ARHGAP24: variants seen among roughly 807,000 people sequenced by gnomAD.
ARHGAP24 encodes Rho GTPase activating protein 24.
Under a neutral mutation model 76.4 loss-of-function variants are expected in ARHGAP24, and 50 were observed. The ratio of observed to expected loss-of-function variants is 0.65; its 90% CI spans 0.52 to 0.83. ARHGAP24 has a LOEUF of 0.83. Among genes scored for constraint, ARHGAP24 ranks in the 40% least tolerant of loss-of-function variants. The pLI, the probability that ARHGAP24 is intolerant of heterozygous loss-of-function variation, is 0.00. For synonymous variants in ARHGAP24, 345 were observed against 323.3 expected, an observed-to-expected ratio of 1.07 and a Z score of -0.72; for missense variants, 930 against 914.2, an observed-to-expected ratio of 1.02 and a Z score of -0.22.
chr4:85,713,966 C>T (rs1266682497), intron 2 of ARHGAP24, among the ~76,000 whole-genome samples: 2 of 152,092 alleles, frequency 1.3e-5, no homozygotes, highest in Non-Finnish European at 2.9e-5. Context: ...ATTTCTAGGT[C>T]TCTTACAATT....
chr4:85,503,510 G>A (rs190270981), intron 1 of ARHGAP24, among the ~76,000 whole-genome samples: 15 of 152,246 alleles, frequency 9.9e-5, no homozygotes, highest in South Asian at 2.1e-4. Flanking sequence ...GCATAGAGGC[G>A]TTTATAGTAT....
At chr4:85,906,056 T>A (rs536711473) in intron 3 of ARHGAP24, among the ~76,000 whole-genome samples, 12 of 152,072 alleles carry the variant, frequency 7.9e-5, no homozygotes, top group Admixed American at 6.5e-4. Flanking sequence ...AGTGAAGGAG[T>A]AGTAAAATGC....
rs746221012 is a variant in ARHGAP24, at chr4:85,923,668, A to G, written c.289A>G (p.Thr97Ala). The G allele has an allele frequency of 6.2e-7, 1 of 1,613,858 alleles. No individual in the cohort carries two copies. Among genetic ancestry groups the G allele is most frequent in the Admixed American group, 1.7e-5 (1 of 59,952 alleles). ...VVPGGDRDRM[T>A]ANHESYLLMA... ...CACAGGAGGCGATCGAGATCGGATGACAGCAAATCATGAAAGCTACCTCCT... is the reference window on the plus strand; with the variant it reads ...CACAGGAGGCGATCGAGATCGGATGGCAGCAAATCATGAAAGCTACCTCCT... The change falls in exon 4 of 10, where the codon ACA (threonine) becomes GCA (alanine). Residue 97 changes from threonine to alanine, a missense_variant. Physicochemically the swap from Thr to Ala is moderately conservative, Grantham distance 58. Transcript: ENST00000395184.
intron 1 of ARHGAP24, among the ~76,000 whole-genome samples, chr4:85,533,712 T>C (rs1191532036): frequency 6.6e-6 from 1 of 152,198 alleles, no homozygotes; most frequent in Non-Finnish European, 1.5e-5. Flanking sequence ...AAAATAAAGA[T>C]GCTATCACTA....
intron 2 of ARHGAP24, among the ~76,000 whole-genome samples, chr4:85,664,588 C>G (rs1387073033): frequency 2.0e-5 from 3 of 150,452 alleles, no homozygotes; most frequent in South Asian, 2.1e-4. Flanking sequence ...TTTTCTAGTT[C>G]TTTTAATTGT....
At chr4:85,775,789 G>C (rs1578215709) in intron 3 of ARHGAP24, among the ~76,000 whole-genome samples, 1 of 152,166 alleles carries the variant, frequency 6.6e-6, no homozygotes, top group Non-Finnish European at 1.5e-5. Flanking sequence ...GGCTGAAGCA[G>C]GGGAATTATG....
In ARHGAP24 at chr4:85,994,805, G is replaced by C; in HGVS notation, c.1151G>C (p.Arg384Thr). ...CSWDKSESPQ[R>T]SSMNNGSPTA... is the part of the protein sequence containing the mutation. The stretch of plus-strand genomic sequence containing the variant: ...TGGGACAAGTCTGAGTCACCCCAGA[G>C]AAGCAGCATGAACAATGGATCCCCC... Residue 384 changes from arginine to threonine, a missense_variant, in exon 9 of 10, where the codon AGA (arginine) becomes ACA (threonine). Physicochemically the swap from Arg to Thr is moderately conservative, Grantham distance 71. Transcript: ENST00000395184. The C allele has an allele frequency of 6.2e-7, 1 of 1,614,122 alleles. No individual in the cohort carries two copies.
intron 2 of ARHGAP24, among the ~76,000 whole-genome samples, chr4:85,607,954 G>A (rs1476847255): frequency 1.3e-5 from 2 of 151,842 alleles, no homozygotes; most frequent in Admixed American, 6.6e-5. Context: ...ATACAGGTGT[G>A]CCTCTAACTG....
At chr4:85,595,534 C>T (rs1216857503) in intron 2 of ARHGAP24, among the ~76,000 whole-genome samples, 1 of 152,024 alleles carries the variant, frequency 6.6e-6, no homozygotes, top group Non-Finnish European at 1.5e-5. Context: ...AATATCTCTA[C>T]CGAATTACAA....
rs1292628619 is a variant in ARHGAP24 at position 85,942,075 on chromosome 4, G to A, written c.401G>A (p.Gly134Glu). Residue 134 changes from glycine (G) to glutamate (E), a missense_variant, in exon 5 of 10, where the codon GGA becomes GAA. By Grantham distance (98) the Gly-to-Glu change is moderately conservative. Transcript: ENST00000395184. ...ATCCTTTTTTTTTAAGGCATTTTTG[G>A]ACAGAAACTGGAGGATACTGTTCGT... is the stretch of plus-strand genomic sequence containing the variant. The part of the protein sequence containing the change: ...IWGPFGGGIF[G>E]QKLEDTVRYE... 1 of 1,613,466 alleles carries A rather than the reference G, an allele frequency of 6.2e-7. No homozygotes were observed. Among genetic ancestry groups the A allele is most frequent in the East Asian group, 2.2e-5 (1 of 44,858 alleles).
intron 1 of ARHGAP24, among the ~76,000 whole-genome samples, chr4:85,504,819 G>A (rs549963005): frequency 1.3e-5 from 2 of 152,270 alleles, no homozygotes; most frequent in South Asian, 2.1e-4. Flanking sequence ...TAGCATCGAT[G>A]GTCTTTACAA....
intron 3 of ARHGAP24, among the ~76,000 whole-genome samples, chr4:85,748,010 T>C (rs1181231366): frequency 6.6e-6 from 1 of 152,244 alleles, no homozygotes; most frequent in East Asian, 1.9e-4. Flanking sequence ...CATGCCTAGA[T>C]TGTTTGGCTG....
intron 4 of ARHGAP24, among the ~76,000 whole-genome samples, chr4:85,935,048 A>G (rs1254625198): frequency 6.6e-6 from 1 of 152,244 alleles, no homozygotes; most frequent in Non-Finnish European, 1.5e-5. Flanking sequence ...CAGAATCCAT[A>G]GGCAATAGAA....
At chr4:85,986,895 A>C (rs1740039368) in intron 8 of ARHGAP24, among the ~76,000 whole-genome samples, 2 of 152,128 alleles carry the variant, frequency 1.3e-5, no homozygotes, top group Admixed American at 1.3e-4. Flanking sequence ...ATTATGGATT[A>C]GTCCTCACAA....
intron 9 of ARHGAP24, among the ~76,000 whole-genome samples, chr4:85,997,127 G>A (rs998663588): frequency 1.3e-5 from 2 of 152,272 alleles, no homozygotes; most frequent in East Asian, 1.9e-4. Flanking sequence ...GTGGGGGACC[G>A]CTCGTGGCCT....
At chr4:85,650,119 C>T (rs879410665) in intron 2 of ARHGAP24, among the ~76,000 whole-genome samples, 35 of 152,056 alleles carry the variant, frequency 2.3e-4, no homozygotes, top group South Asian at 1.2e-3. Context: ...AGTACATGGT[C>T]GCTCCATAAA....
At chr4:85,863,363 G>A (rs931569998) in intron 3 of ARHGAP24, among the ~76,000 whole-genome samples, 2 of 151,910 alleles carry the variant, frequency 1.3e-5, no homozygotes, top group African/African-American at 2.4e-5. Context: ...TTCCTTCATA[G>A]CACTTACCAC....
At chr4:85,637,131 G>A (rs1433841675) in intron 2 of ARHGAP24, among the ~76,000 whole-genome samples, 1 of 152,082 alleles carries the variant, frequency 6.6e-6, no homozygotes, top group Non-Finnish European at 1.5e-5. Flanking sequence ...AGAAGTGCAT[G>A]CATTTTTCAT....
intron 2 of ARHGAP24, chr4:85,604,036 A>G (rs1720114811): frequency 6.6e-6 from 1 of 152,242 alleles, no homozygotes; most frequent in South Asian, 2.1e-4. Context: ...AGTAATTATC[A>G]TGTCCTTTGG....
Sources: gnomAD v4.1 joint callset for allele counts (sites outside exome capture counted in the v4.1 genomes callset) on GRCh38, gnomAD v4.1.1 for gene constraint, MANE v1.5 for transcripts, NCBI Gene and HGNC (gene_info 2026-07-23, HGNC 2026-07-21) for gene names.